Variants in PARVA observed in about 807,000 individuals in gnomAD.
The protein encoded by PARVA is alpha-parvin.
A neutral mutation model predicts 52.6 loss-of-function variants in PARVA; 25 were observed. The ratio of observed to expected loss-of-function variants is 0.48; its 90% CI spans 0.35 to 0.66. The LOEUF is 0.66. Ranked by LOEUF, PARVA falls within the 30% of genes least tolerant of loss-of-function variation. The pLI, the probability that PARVA is intolerant of heterozygous loss-of-function variation, is 0.01. For synonymous variants in PARVA, 185 were observed against 179.1 expected (o/e 1.03, Z -0.26); for missense variants, 373 against 450.9 (o/e 0.83, Z 1.56).
At chr11:12,487,807 C>G (rs76587687) in intron 4 of PARVA, among the ~76,000 whole-genome samples, 1 of 151,750 alleles carries the variant, frequency 6.6e-6, no homozygotes, top group African/African-American at 2.4e-5. Context: ...TAGAGAACGA[C>G]TGTGTGTGTG....
intron 1 of PARVA, among the ~76,000 whole-genome samples, chr11:12,434,993 A>G (rs1417733492): frequency 6.6e-6 from 1 of 152,170 alleles, no homozygotes; most frequent in Non-Finnish European, 1.5e-5. Context: ...TCCTGCCCGT[A>G]TTCACCAAAT....
chr11:12,504,884 C>T (rs142290347), intron 6 of PARVA, among the ~76,000 whole-genome samples: 40 of 151,954 alleles, frequency 2.6e-4, no homozygotes, highest in African/African-American at 5.8e-4. Flanking sequence ...ATGGGGAGAA[C>T]GATATCTGTG....
At chr11:12,459,298 A>G (rs1940742141) in intron 1 of PARVA, among the ~76,000 whole-genome samples, 1 of 152,046 alleles carries the variant, frequency 6.6e-6, no homozygotes, top group Non-Finnish European at 1.5e-5. Flanking sequence ...CCAGCTACTC[A>G]GGAGGTTAAG....
At position 12,441,073 on chromosome 11, in the gene PARVA, A is replaced by G. The variant is rs61877486; in HGVS notation, c.137-32672A>G. 3.3e-3 allele frequency among the ~76,000 whole-genome samples: 507 copies of G among 152,300 alleles called. 1 individual carries two copies. The highest frequency in any genetic ancestry group is 0.01 in the Middle Eastern group (3 of 294). Reference sequence around the variant, plus strand: ...ATTTTGCCTACCACTGTATTTTTAAACAATCTCCTTTAATTAATTAGCTTA... The same window carrying G: ...ATTTTGCCTACCACTGTATTTTTAAGCAATCTCCTTTAATTAATTAGCTTA... On this transcript the variant is annotated intron_variant, in intron 1 of 12. Coordinates refer to ENST00000334956, the MANE Select transcript of PARVA (RefSeq NM_018222.5).
At chr11:12,479,652 C>T (rs970390761) in intron 4 of PARVA, 1 of 152,046 alleles carries the variant, frequency 6.6e-6, no homozygotes, top group African/African-American at 2.4e-5. Context: ...TGTTCCTCCC[C>T]ACACACACAC....
chr11:12,517,173 A>C (rs1941578344), intron 10 of PARVA, among the ~76,000 whole-genome samples: 1 of 151,948 alleles, frequency 6.6e-6, no homozygotes, highest in Non-Finnish European at 1.5e-5. Flanking sequence ...TGATGCCTTC[A>C]GTGCTTGTGG....
At chr11:12,500,297 C>A (rs749502333) in intron 5 of PARVA, among the ~76,000 whole-genome samples, 2 of 152,052 alleles carry the variant, frequency 1.3e-5, no homozygotes, top group African/African-American at 2.4e-5. Flanking sequence ...GAGGCCTGGG[C>A]GCTTACTCTT....
intron 8 of PARVA, among the ~76,000 whole-genome samples, chr11:12,511,774 T>C (rs1384135137): frequency 6.6e-6 from 1 of 152,172 alleles, no homozygotes; most frequent in Admixed American, 6.5e-5. Flanking sequence ...TACAAAGCAC[T>C]TTTGTAGCTA....
chr11:12,438,792 T>G (rs972511989), intron 1 of PARVA, among the ~76,000 whole-genome samples: 1 of 152,162 alleles, frequency 6.6e-6, no homozygotes, highest in Non-Finnish European at 1.5e-5. Flanking sequence ...CAAATTAAGA[T>G]AGTCAGTGGC....
At chr11:12,433,656 T>A (rs970914210) in intron 1 of PARVA, among the ~76,000 whole-genome samples, 4 of 152,184 alleles carry the variant, frequency 2.6e-5, no homozygotes, top group African/African-American at 4.8e-5. Context: ...AATATTAGGA[T>A]TGGCAGAGAC....
chr11:12,499,752 G>A (rs966736807), intron 5 of PARVA, among the ~76,000 whole-genome samples: 5 of 152,150 alleles, frequency 3.3e-5, no homozygotes, highest in Non-Finnish European at 7.4e-5. Flanking sequence ...ACATTGTGCT[G>A]TGTTCTTCAA....
chr11:12,422,612 C>T (rs571826821), intron 1 of PARVA, among the ~76,000 whole-genome samples: 196 of 152,214 alleles, frequency 1.3e-3, no homozygotes, highest in Middle Eastern at 3.4e-3. Flanking sequence ...GGGTCATTTC[C>T]CAGTGTGTGT....
chr11:12,392,692 G>GT (rs1381889470), intron 1 of PARVA, among the ~76,000 whole-genome samples: 2 of 152,172 alleles, frequency 1.3e-5, no homozygotes, highest in African/African-American at 4.8e-5. Context: ...GCATGTACAA[G>GT]TTTTGGTATA....
intron 1 of PARVA, 88 bp from the exon 2 acceptor site, chr11:12,473,657 A>T: frequency 2.1e-6 from 2 of 972,246 alleles, no homozygotes; most frequent in Admixed American, 2.1e-5. Flanking sequence ...TTTTTTCTCA[A>T]TGTCAATATC....
chr11:12,454,317 T>C lies in PARVA; in HGVS notation c.137-19428T>C, dbSNP rs77790523. Among the ~76,000 whole-genome samples, 177 of 152,334 alleles carry C rather than the reference T, an allele frequency of 1.2e-3. 2 individuals carry two copies. In the East Asian group the frequency reaches 0.029, roughly 25 times the overall value. ...TTGACTAAATAGTATAATTTTTTTC[T>C]TTACACAAATTGCCACTTAATGTAA... On this transcript the variant is annotated intron_variant, in intron 1 of 12. Coordinates refer to ENST00000334956, the MANE Select transcript of PARVA (RefSeq NM_018222.5).
intron 1 of PARVA, among the ~76,000 whole-genome samples, chr11:12,379,160 C>T (rs1490626106): frequency 6.6e-6 from 1 of 152,200 alleles, no homozygotes; most frequent in Non-Finnish European, 1.5e-5. Context: ...CCAGAGGTCA[C>T]TCTTGTCGCC....
intron 5 of PARVA, among the ~76,000 whole-genome samples, chr11:12,498,617 C>T (rs1259447785): frequency 7.0e-6 from 1 of 141,976 alleles, no homozygotes; most frequent in African/African-American, 2.6e-5. Context: ...CTCTGTTGCC[C>T]AGGCTGAAGT....
chr11:12,455,282 A>C (rs1396560490), intron 1 of PARVA, among the ~76,000 whole-genome samples: 1 of 152,216 alleles, frequency 6.6e-6, no homozygotes, highest in Non-Finnish European at 1.5e-5. Flanking sequence ...ACTCTCATTC[A>C]TTAAACATTT....
At position 12,377,581 on chromosome 11, in the gene PARVA, C is replaced by A; in HGVS notation, c.-67C>A. On this transcript the variant is annotated 5_prime_UTR_variant, in exon 1 of 13. Coordinates refer to ENST00000334956, the MANE Select transcript of PARVA (RefSeq NM_018222.5). ...GAAAGCCGCAGCCTCAGTCCCGCCG[C>A]CGCCCGCTGCGTCCGCCCAGCGCCA... The A allele has an allele frequency of 6.7e-7, 1 of 1,500,088 alleles. No homozygotes were observed. The highest frequency in any genetic ancestry group is 8.9e-7 in the Non-Finnish European group (1 of 1,126,480). 92.9% of individuals were successfully genotyped at this position (1,500,088 alleles called of 1,614,324 possible).
Sources: allele counts gnomAD v4.1 joint callset (sites outside exome capture counted in the v4.1 genomes callset), GRCh38; gene constraint gnomAD v4.1.1; transcripts MANE v1.5; gene names NCBI Gene and HGNC (gene_info 2026-07-23, HGNC 2026-07-21).